The following PHF24 variants were observed in gnomAD, a reference collection of about 807,000 sequenced individuals.
PHF24 encodes the protein Galpha inhibitory interacting protein.
PHF24 carries 25 observed loss-of-function variants against 42.6 expected under a neutral mutation model. That is an observed-to-expected ratio of 0.59 (90% CI 0.43 to 0.82). The LOEUF is 0.82. Among genes scored for constraint, PHF24 ranks in the 40% least tolerant of loss-of-function variants. PHF24 has a pLI of 0.00. For missense variants in PHF24, 470 were observed against 538.1 expected (o/e 0.87, Z 1.25); for synonymous variants, 185 against 204.8 (o/e 0.90, Z 0.83).
the PHF24 span, among the ~76,000 whole-genome samples, chr9:34,883,616 G>A: frequency 6.6e-6 from 1 of 152,214 alleles, no homozygotes; most frequent in African/African-American, 2.4e-5. Context: ...ATGAAAAAAT[G>A]CTCATCATCA....
At chr9:34,680,461 G>C in the PHF24 span, among the ~76,000 whole-genome samples, 2 of 151,784 alleles carry the variant, frequency 1.3e-5, no homozygotes, top group East Asian at 1.9e-4. Context: ...GGCCGAGGCG[G>C]GTGGATCACG....
At chr9:34,923,050 T>TTG in the PHF24 span, 3 of 45,322 alleles carry the variant, frequency 6.6e-5, no homozygotes, top group Non-Finnish European at 1.6e-4. Context: ...TTTGTTTTTG[T>TTG]TTTTTTTTTT....
the PHF24 span, among the ~76,000 whole-genome samples, chr9:34,771,740 A>T: frequency 6.6e-6 from 1 of 152,214 alleles, no homozygotes; most frequent in Non-Finnish European, 1.5e-5. Flanking sequence ...TTTTGATTGT[A>T]CATTCTAGAG....
chr9:34,773,640 A>C, the PHF24 span, among the ~76,000 whole-genome samples: 15 of 152,364 alleles, frequency 9.8e-5, no homozygotes, highest in African/African-American at 3.4e-4. Flanking sequence ...TAAACGGGAG[A>C]GAAGAGTGTG....
At chr9:34,892,111 A>G in the PHF24 span, among the ~76,000 whole-genome samples, 1 of 152,212 alleles carries the variant, frequency 6.6e-6, no homozygotes, top group African/African-American at 2.4e-5. Flanking sequence ...AAACCACAGT[A>G]AGGTAGCTAC....
the PHF24 span, chr9:34,835,221 A>T: frequency 1.4e-5 from 21 of 1,552,050 alleles, no homozygotes; most frequent in African/African-American, 2.7e-4. Flanking sequence ...ACACATGAAC[A>T]CCAGGTCTGG....
the PHF24 span, among the ~76,000 whole-genome samples, chr9:34,717,350 C>T: frequency 1.5e-4 from 22 of 151,432 alleles, no homozygotes; most frequent in Non-Finnish European, 3.1e-4. Context: ...ACTGGGGAAC[C>T]AGGACCTGGT....
At chr9:34,836,796 G>A in the PHF24 span, among the ~76,000 whole-genome samples, 1 of 152,306 alleles carries the variant, frequency 6.6e-6, no homozygotes, top group East Asian at 1.9e-4. Context: ...TCAGAGCTGA[G>A]TAGAACCCCA....
the PHF24 span, among the ~76,000 whole-genome samples, chr9:34,823,064 C>T: frequency 2.6e-5 from 4 of 151,262 alleles, no homozygotes; most frequent in African/African-American, 4.9e-5. Flanking sequence ...GGCGCGGTGG[C>T]GGGCGCCTGT....
At chr9:34,859,958 A>C in the PHF24 span, among the ~76,000 whole-genome samples, 1 of 152,254 alleles carries the variant, frequency 6.6e-6, no homozygotes, top group African/African-American at 2.4e-5. Context: ...TCATCTGCTG[A>C]ATACCAGAGG....
the PHF24 span, among the ~76,000 whole-genome samples, chr9:34,755,520 T>G: frequency 1.3e-5 from 2 of 152,154 alleles, no homozygotes; most frequent in African/African-American, 4.8e-5. Context: ...TTGTATATTT[T>G]TTGTATATTT....
chr9:34,698,621 C>A, the PHF24 span, among the ~76,000 whole-genome samples: 1 of 152,148 alleles, frequency 6.6e-6, no homozygotes, highest in Non-Finnish European at 1.5e-5. Context: ...GCTAGGACTG[C>A]GGGCATGCAC....
chr9:34,883,460 A>G, the PHF24 span, among the ~76,000 whole-genome samples: 1 of 152,242 alleles, frequency 6.6e-6, no homozygotes, highest in Admixed American at 6.5e-5. Context: ...TTTACAGTCT[A>G]CCCATCTGAC....
chr9:34,770,070 A>G, the PHF24 span, among the ~76,000 whole-genome samples: 2 of 152,202 alleles, frequency 1.3e-5, no homozygotes, highest in Middle Eastern at 3.2e-3. Context: ...ATTCTACTAC[A>G]TAGAATAAAT....
chr9:34,886,834 G>GTATCTATCTATCTATCTATC, the PHF24 span, among the ~76,000 whole-genome samples: 3,067 of 148,792 alleles, frequency 0.021, 54 homozygotes, highest in East Asian at 0.065. Flanking sequence ...ATGTATCTAT[G>GTATCTATCTATCTATCTATC]TATCTATCTA....
exon 8 of PHF24, chr9:34,981,010 C>T (rs1827370766): frequency 1.3e-5 from 2 of 152,358 alleles, no homozygotes; most frequent in Admixed American, 1.3e-4. Context: ...TCCAAGTCTG[C>T]TCCTTGGCTT....
chr9:34,960,854 G>A (rs902905032), intron 1 of PHF24, among the ~76,000 whole-genome samples: 4 of 152,142 alleles, frequency 2.6e-5, no homozygotes, highest in Admixed American at 6.6e-5. Context: ...GAATGTGCAC[G>A]AAAGATGTCA....
chr9:34,675,266 C>T, the PHF24 span, among the ~76,000 whole-genome samples: 1 of 152,040 alleles, frequency 6.6e-6, no homozygotes, highest in Non-Finnish European at 1.5e-5. Context: ...GGCCTGGACT[C>T]TCAACCTCAT....
chr9:34,851,141 A>G, the PHF24 span, among the ~76,000 whole-genome samples: 69,224 of 151,382 alleles, frequency 0.46, 16,742 homozygotes, highest in East Asian at 0.66. Context: ...CTGTCAGACA[A>G]GGACATTTAA....
Sources: gnomAD v4.1 joint callset for allele counts (sites outside exome capture counted in the v4.1 genomes callset) on GRCh38, gnomAD v4.1.1 for gene constraint, MANE v1.5 for transcripts, NCBI Gene and HGNC (gene_info 2026-07-23, HGNC 2026-07-21) for gene names.